Variants in ABCA12 observed in about 807,000 individuals in gnomAD.
ABCA12 encodes glucosylceramide transporter ABCA12.
Under a neutral mutation model 293.5 loss-of-function variants are expected in ABCA12, and 156 were observed. The ratio of observed to expected loss-of-function variants is 0.53; its 90% CI spans 0.47 to 0.61. The LOEUF (loss-of-function observed/expected upper bound fraction) is 0.61, where lower values mean the gene tolerates loss of function less well. Ranked by LOEUF, ABCA12 falls within the 20% of genes least tolerant of loss-of-function variation. ABCA12 has a pLI of 0.00. For synonymous variants in ABCA12, 1,063 were observed against 1,108.0 expected, an observed-to-expected ratio of 0.96 and a Z score of 0.81; for missense variants, 2,797 against 3,090.2, an observed-to-expected ratio of 0.91 and a Z score of 2.25.
At chr2:214,940,535 A>T (rs2105914575) in intron 50 of ABCA12, among the ~76,000 whole-genome samples, 1 of 152,296 alleles carries the variant, frequency 6.6e-6, no homozygotes, top group South Asian at 2.1e-4. Context: ...TTTCAGAAGG[A>T]ATGGTACCAG....
In ABCA12 at chr2:215,000,750, G is replaced by T; in HGVS notation, c.3134C>A (p.Ala1045Glu). The stretch of plus-strand genomic sequence containing the variant: ...ATAAGGAATTGCTTGAACCTGGACT[G>T]CTATTTCCTGGGAGTTCCTTCCAGT... ...LQTGRNSQEI[A>E]VQVQAIPYPC... is the part of the protein sequence containing the mutation. The change falls in exon 22 of 53, where the codon GCA becomes GAA. Residue 1045 changes from alanine (A) to glutamate (E), a missense_variant. This residue lies in a region of ABCA12 where 2,130 missense variants were observed against 2,427.0 expected (regional missense o/e 0.88). Coordinates refer to ENST00000272895, the MANE Select transcript of ABCA12 (RefSeq NM_173076.3). The T allele has an allele frequency of 6.2e-7, 1 of 1,614,080 alleles. No homozygotes were observed.
chr2:215,129,341 T>C (rs1240714709), intron 1 of ABCA12, among the ~76,000 whole-genome samples: 2 of 152,208 alleles, frequency 1.3e-5, no homozygotes, highest in Admixed American at 1.3e-4. Flanking sequence ...CCAGGTCATG[T>C]CCCTGGTGCT....
At chr2:215,083,389 C>T (rs1016875296) in intron 2 of ABCA12, among the ~76,000 whole-genome samples, 5 of 152,112 alleles carry the variant, frequency 3.3e-5, no homozygotes, top group Non-Finnish European at 5.9e-5. Context: ...CAGGTCAAGA[C>T]ATCAGGGTTC....
At chr2:215,090,801 CT>C (rs1341351502) in intron 2 of ABCA12, among the ~76,000 whole-genome samples, 3 of 152,110 alleles carry the variant, frequency 2.0e-5, no homozygotes, top group Non-Finnish European at 4.4e-5. Flanking sequence ...CTAGATTTAC[CT>C]TTTTACTACG....
intron 2 of ABCA12, among the ~76,000 whole-genome samples, chr2:215,072,816 G>A (rs1250821401): frequency 6.6e-6 from 1 of 152,278 alleles, no homozygotes; most frequent in African/African-American, 2.4e-5. Flanking sequence ...TGAGTTCTTC[G>A]CCAGGCGCGG....
At chr2:214,982,826 A>G (rs1699697916) in intron 29 of ABCA12, among the ~76,000 whole-genome samples, 1 of 152,172 alleles carries the variant, frequency 6.6e-6, no homozygotes, top group African/African-American at 2.4e-5. Context: ...GTCAATAAAT[A>G]TATTCTCAAG....
At chr2:215,061,243 AC>A (rs1286064311) in intron 3 of ABCA12, among the ~76,000 whole-genome samples, 5 of 152,028 alleles carry the variant, frequency 3.3e-5, no homozygotes, top group Non-Finnish European at 7.4e-5. Context: ...TTTTTTTTAA[AC>A]ATCTCATCCT....
intron 47 of ABCA12, among the ~76,000 whole-genome samples, chr2:214,948,207 G>A (rs931156799): frequency 2.0e-5 from 3 of 152,158 alleles, no homozygotes; most frequent in Non-Finnish European, 4.4e-5. Context: ...AAGTGGAAAC[G>A]AATCTATTTT....
At chr2:214,989,210 A>ATATATAT (rs60341150) in intron 26 of ABCA12, 119 bp downstream of exon 26, 34 of 149,574 alleles carry the variant, frequency 2.3e-4, no homozygotes, top group Non-Finnish European at 2.7e-4. Flanking sequence ...ATATATATAT[A>ATATATAT]ATATTTTTAT....
intron 8 of ABCA12, 51 bp from the exon 9 acceptor site, chr2:215,031,947 AT>A (rs762541654): frequency 2.5e-6 from 4 of 1,610,178 alleles, no homozygotes; most frequent in Non-Finnish European, 1.7e-6. Context: ...TTGCTTAAAG[AT>A]TTTTTTCCTC....
At chr2:215,067,887 C>T (rs1315768314) in intron 2 of ABCA12, among the ~76,000 whole-genome samples, 2 of 152,100 alleles carry the variant, frequency 1.3e-5, no homozygotes, top group African/African-American at 4.8e-5. Flanking sequence ...TAAAGTAAAT[C>T]AGATTCATTT....
intron 17 of ABCA12, among the ~76,000 whole-genome samples, chr2:215,010,820 T>C (rs1700355521): frequency 6.6e-6 from 1 of 152,158 alleles, no homozygotes. Context: ...TAGTACCAGA[T>C]ACATAAGAGC....
intron 14 of ABCA12, chr2:215,017,567 A>C (rs749155220): frequency 1.2e-5 from 2 of 164,198 alleles, no homozygotes; most frequent in Non-Finnish European, 2.7e-5. Flanking sequence ...AGGTTACTGA[A>C]GTTTGACTTT....
At chr2:215,043,227 T>C (rs952069731) in intron 7 of ABCA12, among the ~76,000 whole-genome samples, 1 of 152,224 alleles carries the variant, frequency 6.6e-6, no homozygotes, top group Admixed American at 6.5e-5. Flanking sequence ...TTTTGAGAAA[T>C]ATCTATTCAG....
chr2:214,943,033 G>A lies in ABCA12; in HGVS notation c.7344-16C>T, dbSNP rs779580419. 13 of 1,604,482 alleles carry A rather than the reference G, an allele frequency of 8.1e-6. No individual in the cohort carries two copies. Among genetic ancestry groups the A allele is most frequent in the Non-Finnish European group, 1.1e-5 (13 of 1,172,804 alleles). On this transcript the variant is annotated splice_polypyrimidine_tract_variant and intron_variant, in intron 49 of 52. Transcript: ENST00000272895. ...TTCTTCCATGCTAAAAGACAAAGCA[G>A]GATCATATTAGCATTCAGGATACAG...
chr2:215,045,893 C>T lies in ABCA12; in HGVS notation c.816G>A (p.Val272=). ...VWQLLSSFPN[V]FQNDTSLSNL... is the part of the protein sequence containing the mutation. ...TGCTTAGTGATGTGTCATTCTGAAA[C>T]ACATTTGGAAAACTAGACAGAAGCT... The change falls in exon 7 of 53, where the codon GTG becomes GTA. Residue 272 remains valine, a synonymous_variant. Coordinates refer to ENST00000272895, the MANE Select transcript of ABCA12 (RefSeq NM_173076.3). 6.2e-7 allele frequency: 1 copy of T among 1,613,660 alleles called. No individual in the cohort carries two copies. The highest frequency in any genetic ancestry group is 8.5e-7 in the Non-Finnish European group (1 of 1,179,786).
intron 2 of ABCA12, among the ~76,000 whole-genome samples, chr2:215,076,713 A>T (rs1701841761): frequency 1.3e-5 from 2 of 152,350 alleles, no homozygotes; most frequent in South Asian, 4.1e-4. Context: ...TAATAAATTG[A>T]AAGTGTTCAT....
chr2:214,949,297 A>C (rs1186543500), intron 45 of ABCA12, 148 bp from the exon 46 acceptor site: 1 of 667,524 alleles, frequency 1.5e-6, no homozygotes, highest in African/African-American at 1.8e-5. Context: ...AATGCTCTTG[A>C]TAAAACTTTC....
chr2:214,963,605 CAAAAAAAAAAAA>C (rs57895778), intron 39 of ABCA12, among the ~76,000 whole-genome samples: 6 of 70,186 alleles, frequency 8.5e-5, no homozygotes, highest in East Asian at 4.4e-4. Flanking sequence ...GCAGAGATAC[CAAAAAAAAAAAA>C]AAAAAAAAAA....
Sources: gnomAD v4.1 joint callset for allele counts (sites outside exome capture counted in the v4.1 genomes callset) on GRCh38, gnomAD v4.1.1 for gene constraint, gnomAD v4.1.1 regional missense constraint, MANE v1.5 for transcripts, NCBI Gene and HGNC (gene_info 2026-07-23, HGNC 2026-07-21) for gene names.